KCND2: variants seen among roughly 807,000 people sequenced by gnomAD.
KCND2 encodes the protein A-type voltage-gated potassium channel KCND2.
Under a neutral mutation model 54.4 loss-of-function variants are expected in KCND2, and 16 were observed. The observed-to-expected ratio is 0.29, with a 90% CI of 0.20 to 0.45. The LOEUF is 0.45. KCND2 is among the 20% of genes least tolerant of loss of function. The pLI, the probability that KCND2 is intolerant of heterozygous loss-of-function variation, is 1.00. For missense variants in KCND2, 486 were observed against 824.2 expected, an observed-to-expected ratio of 0.59 and a Z score of 5.02; for synonymous variants, 317 against 310.7, an observed-to-expected ratio of 1.02 and a Z score of -0.21.
chr7:120,408,721 A>G (rs1221406683), intron 1 of KCND2, among the ~76,000 whole-genome samples: 2 of 151,852 alleles, frequency 1.3e-5, no homozygotes, highest in Non-Finnish European at 2.9e-5. Context: ...ACATACACAC[A>G]GAATCCAATG....
At chr7:120,327,964 G>C (rs937994113) in intron 1 of KCND2, among the ~76,000 whole-genome samples, 6 of 152,054 alleles carry the variant, frequency 3.9e-5, no homozygotes, top group Non-Finnish European at 8.8e-5. Flanking sequence ...CCCTAAATCT[G>C]CAGATTCAAT....
intron 1 of KCND2, among the ~76,000 whole-genome samples, chr7:120,345,659 G>T (rs1800306417): frequency 6.6e-6 from 1 of 152,080 alleles, no homozygotes; most frequent in Admixed American, 6.5e-5. Context: ...AAATCCTCAA[G>T]GATTATTCTT....
chr7:120,722,976 G>A (rs1413980759), intron 1 of KCND2, among the ~76,000 whole-genome samples: 3 of 152,194 alleles, frequency 2.0e-5, no homozygotes, highest in Non-Finnish European at 4.4e-5. Context: ...TGTCAAAGTG[G>A]CAAGGGATTT....
intron 1 of KCND2, among the ~76,000 whole-genome samples, chr7:120,632,533 A>G (rs968424882): frequency 1.3e-5 from 2 of 152,180 alleles, no homozygotes; most frequent in Non-Finnish European, 2.9e-5. Flanking sequence ...CTACTGATAT[A>G]TGATAGTCTT....
chr7:120,331,065 T>G (rs1355341072), intron 1 of KCND2, among the ~76,000 whole-genome samples: 1 of 152,164 alleles, frequency 6.6e-6, no homozygotes, highest in Non-Finnish European at 1.5e-5. Flanking sequence ...TGTGTAAGAT[T>G]TCAAAACTAT....
chr7:120,532,004 C>T (rs1390382073), intron 1 of KCND2, among the ~76,000 whole-genome samples: 1 of 152,040 alleles, frequency 6.6e-6, no homozygotes, highest in Non-Finnish European at 1.5e-5. Context: ...CTGAGTTTCA[C>T]TGAGCTGATC....
At chr7:120,569,168 T>C (rs1430925773) in intron 1 of KCND2, among the ~76,000 whole-genome samples, 1 of 152,132 alleles carries the variant, frequency 6.6e-6, no homozygotes, top group Non-Finnish European at 1.5e-5. Flanking sequence ...ATAAAGATAT[T>C]TCTGAGGTGA....
chr7:120,601,116 GAT>G (rs1469362259), intron 1 of KCND2, among the ~76,000 whole-genome samples: 1 of 152,004 alleles, frequency 6.6e-6, no homozygotes, highest in Non-Finnish European at 1.5e-5. Context: ...AGAAGAAAAA[GAT>G]AAATGAAACA....
intron 1 of KCND2, among the ~76,000 whole-genome samples, chr7:120,719,930 C>T (rs1792646638): frequency 6.6e-6 from 1 of 152,094 alleles, no homozygotes. Context: ...GGCTTGGAAG[C>T]CCCAGGGACC....
chr7:120,720,358 T>A (rs1237563324), intron 1 of KCND2, among the ~76,000 whole-genome samples: 1 of 152,148 alleles, frequency 6.6e-6, no homozygotes, highest in Non-Finnish European at 1.5e-5. Context: ...CTGCATCTGC[T>A]TCATAATGTT....
At chr7:120,299,036 T>C (rs930164504) in intron 1 of KCND2, among the ~76,000 whole-genome samples, 2 of 152,242 alleles carry the variant, frequency 1.3e-5, no homozygotes, top group Admixed American at 6.5e-5. Context: ...GGCAGATGCC[T>C]GTAATCTCAG....
rs182856321 is a variant in KCND2, at chr7:120,518,772, A to G, written c.1116-214131A>G. On this transcript the variant is annotated intron_variant, in intron 1 of 5. Coordinates refer to ENST00000331113, the MANE Select transcript of KCND2 (RefSeq NM_012281.3). ...TTTACCAAAATGTCCTCACTTTAAT[A>G]CCCGGAACTTGTGGTTATATTGGAT... 3.3e-5 allele frequency among the ~76,000 whole-genome samples: 5 copies of G among 152,270 alleles called. No homozygotes were observed. In the East Asian group the frequency reaches 9.7e-4, roughly 29 times the overall value.
chr7:120,448,989 T>C (rs1001812082), intron 1 of KCND2, among the ~76,000 whole-genome samples: 2 of 152,188 alleles, frequency 1.3e-5, no homozygotes, highest in Non-Finnish European at 2.9e-5. Flanking sequence ...ACATGAACTC[T>C]ACCAGCTCCC....
At chr7:120,632,413 A>G (rs192024428) in intron 1 of KCND2, among the ~76,000 whole-genome samples, 98 of 152,322 alleles carry the variant, frequency 6.4e-4, no homozygotes, top group Middle Eastern at 6.8e-3. Flanking sequence ...TCTGTAAATT[A>G]CAGTTACTAC....
At chr7:120,397,258 C>A (rs1345995153) in intron 1 of KCND2, among the ~76,000 whole-genome samples, 1 of 151,980 alleles carries the variant, frequency 6.6e-6, no homozygotes, top group Non-Finnish European at 1.5e-5. Flanking sequence ...TAGAAAATGT[C>A]ATTTCAGTAA....
At chr7:120,392,174 C>A (rs1003491428) in intron 1 of KCND2, among the ~76,000 whole-genome samples, 1 of 152,046 alleles carries the variant, frequency 6.6e-6, no homozygotes. Context: ...AATAGGAGAT[C>A]TTTTCCACAT....
chr7:120,741,101 G>A (rs922795338), intron 2 of KCND2, among the ~76,000 whole-genome samples: 4 of 151,456 alleles, frequency 2.6e-5, no homozygotes, highest in African/African-American at 9.7e-5. Context: ...TTGGTACTTA[G>A]TTACTAATTT....
intron 1 of KCND2, among the ~76,000 whole-genome samples, chr7:120,487,240 TA>T (rs947281447): frequency 2.6e-5 from 4 of 151,982 alleles, no homozygotes; most frequent in African/African-American, 9.7e-5. Flanking sequence ...GATTTTTTTT[TA>T]AAAAAAGAGG....
chr7:120,672,172 C>A (rs1315369608), intron 1 of KCND2, among the ~76,000 whole-genome samples: 1 of 152,032 alleles, frequency 6.6e-6, no homozygotes, highest in Non-Finnish European at 1.5e-5. Flanking sequence ...ATGTAGACAT[C>A]TGCTTATTTA....
Sources: allele counts gnomAD v4.1 joint callset (sites outside exome capture counted in the v4.1 genomes callset), GRCh38; gene constraint gnomAD v4.1.1; transcripts MANE v1.5; gene names NCBI Gene and HGNC (gene_info 2026-07-23, HGNC 2026-07-21).